Variants in USH2A observed in about 807,000 individuals in gnomAD.
USH2A encodes the protein Usher syndrome 2A (autosomal recessive, mild).
USH2A carries 443 observed loss-of-function variants against 538.9 expected under a neutral mutation model. That is an observed-to-expected ratio of 0.82 (90% CI 0.76 to 0.89). The LOEUF is 0.89. Among genes scored for constraint, USH2A ranks in the 40% least tolerant of loss-of-function variants. USH2A has a pLI of 0.00. For synonymous variants in USH2A, 2,413 were observed against 2,273.5 expected, an observed-to-expected ratio of 1.06 and a Z score of -1.75; for missense variants, 6,633 against 6,324.8, an observed-to-expected ratio of 1.05 and a Z score of -1.65.
intron 37 of USH2A, among the ~76,000 whole-genome samples, chr1:215,950,869 T>C (rs1666894986): frequency 6.6e-6 from 1 of 152,154 alleles, no homozygotes; most frequent in South Asian, 2.1e-4. Context: ...TCTAAGCCTT[T>C]AGCTACTAAA....
At chr1:216,416,627 A>G (rs1393363621) in intron 3 of USH2A, among the ~76,000 whole-genome samples, 1 of 152,132 alleles carries the variant, frequency 6.6e-6, no homozygotes, top group Admixed American at 6.6e-5. Context: ...AATGACTCAT[A>G]TTTGACATGT....
intron 64 of USH2A, among the ~76,000 whole-genome samples, chr1:215,669,204 G>C (rs1216149461): frequency 6.6e-6 from 1 of 152,120 alleles, no homozygotes; most frequent in Non-Finnish European, 1.5e-5. Flanking sequence ...ATTTTATGCT[G>C]ATTTCATCCA....
At chr1:216,294,574 C>T (rs1295963012) in intron 9 of USH2A, among the ~76,000 whole-genome samples, 1 of 150,128 alleles carries the variant, frequency 6.7e-6, no homozygotes, top group Non-Finnish European at 1.5e-5. Context: ...GGATATATAT[C>T]TAAGTATTAC....
intron 58 of USH2A, among the ~76,000 whole-genome samples, chr1:215,753,879 T>C (rs1660704488): frequency 1.3e-5 from 2 of 152,130 alleles, no homozygotes; most frequent in Non-Finnish European, 2.9e-5. Flanking sequence ...CCCAGCTCTG[T>C]TTCTTGGCCC....
At chr1:215,827,823 CA>C in intron 47 of USH2A, among the ~76,000 whole-genome samples, 3 of 152,158 alleles carry the variant, frequency 2.0e-5, no homozygotes, top group Admixed American at 2.0e-4. Flanking sequence ...TCCTTCAGCC[CA>C]ACACTCTCCC....
intron 61 of USH2A, among the ~76,000 whole-genome samples, chr1:215,684,979 T>C (rs950287291): frequency 4.6e-5 from 7 of 152,134 alleles, no homozygotes; most frequent in African/African-American, 1.7e-4. Context: ...CGAGATCCTT[T>C]ATCATTAATT....
chr1:215,764,526 T>C (rs1661072294), intron 56 of USH2A, among the ~76,000 whole-genome samples: 1 of 152,288 alleles, frequency 6.6e-6, no homozygotes, highest in Non-Finnish European at 1.5e-5. Context: ...GAGAACTGTG[T>C]CCAACTTGTC....
At chr1:216,153,841 G>T (rs905845036) in intron 21 of USH2A, among the ~76,000 whole-genome samples, 1 of 152,184 alleles carries the variant, frequency 6.6e-6, no homozygotes, top group Non-Finnish European at 1.5e-5. Flanking sequence ...AGCATCAGAT[G>T]TAGGCTGCTG....
chr1:215,743,363 A>T (rs1335297209), intron 58 of USH2A, 28 bp from the exon 59 acceptor site: 2 of 1,226,210 alleles, frequency 1.6e-6, no homozygotes, highest in East Asian at 2.9e-5. Context: ...GAGAGAGAAC[A>T]TTAAAAACAT....
rs919309234 is a variant in USH2A, at chr1:216,104,881, G to A, written c.4628-7668C>T. 5.4e-4 allele frequency among the ~76,000 whole-genome samples: 82 copies of A among 152,240 alleles called. 2 individuals are homozygous for A. The highest frequency in any genetic ancestry group is 1.8e-3 in the African/African-American group (74 of 41,552). ...AAAGAAACTACCATCAGAGTGAACA[G>A]GCAACCTACAGAATGGGAGAAATTT... On this transcript the variant is annotated intron_variant, in intron 21 of 71. Transcript: ENST00000307340.
chr1:215,999,005 A>T lies in USH2A; in HGVS notation c.6539T>A (p.Met2180Lys). 1 of 1,613,034 alleles carries T rather than the reference A, an allele frequency of 6.2e-7. No homozygotes were observed. Among genetic ancestry groups the T allele is most frequent in the African/African-American group, 1.3e-5 (1 of 74,998 alleles). ...TGTAAAATCATGTGTATGGTTTGAC[A>T]TATATAATACATAGCGTTCCAGAAT... ...SGILERYVLY[M>K]SNHTHDFTIW... Residue 2180 changes from methionine (M) to lysine (K), a missense_variant, in exon 34 of 72, where the codon ATG becomes AAG. Physicochemically the swap from Met to Lys is moderately conservative, Grantham distance 95. Coordinates refer to ENST00000307340, the MANE Select transcript of USH2A (RefSeq NM_206933.4).
intron 21 of USH2A, among the ~76,000 whole-genome samples, chr1:216,103,963 A>G (rs934413522): frequency 6.6e-6 from 1 of 152,244 alleles, no homozygotes; most frequent in Non-Finnish European, 1.5e-5. Flanking sequence ...AGGCAAAATT[A>G]AACAATCATT....
chr1:215,858,406 C>T lies in USH2A; in HGVS notation c.8845+8601G>A, dbSNP rs997682549. Among the ~76,000 whole-genome samples the T allele has an allele frequency of 1.1e-4, 17 of 151,138 alleles. No homozygotes were observed. In the East Asian group the frequency reaches 1.4e-3, roughly 12 times the overall value. Reference sequence around the variant, plus strand: ...TGGATTACGGGGGTGGTTTCCCCCACGCTGTTCTCATGATAGTGAGTTCTC... The same window carrying T: ...TGGATTACGGGGGTGGTTTCCCCCATGCTGTTCTCATGATAGTGAGTTCTC... On this transcript the variant is annotated intron_variant, in intron 44 of 71. Transcript: ENST00000307340.
At chr1:216,074,894 C>T (rs2031697023) in intron 27 of USH2A, among the ~76,000 whole-genome samples, 1 of 152,228 alleles carries the variant, frequency 6.6e-6, no homozygotes. Flanking sequence ...ATAGTTTTAG[C>T]TTTGCAGGAT....
intron 9 of USH2A, among the ~76,000 whole-genome samples, chr1:216,310,338 C>T (rs550336769): frequency 2.0e-5 from 3 of 151,986 alleles, no homozygotes; most frequent in East Asian, 3.9e-4. Flanking sequence ...GGGGGTTGCC[C>T]TATAAAGCTT....
intron 61 of USH2A, among the ~76,000 whole-genome samples, chr1:215,684,383 T>A (rs1658340754): frequency 6.6e-6 from 1 of 152,180 alleles, no homozygotes; most frequent in African/African-American, 2.4e-5. Context: ...TTGAAAATGA[T>A]CAAAAATTAC....
In USH2A at chr1:216,152,149, C is replaced by T. The variant is rs372453100; in HGVS notation, c.4627+23103G>A. On this transcript the variant is annotated intron_variant, in intron 21 of 71. Coordinates refer to ENST00000307340, the MANE Select transcript of USH2A (RefSeq NM_206933.4). ...CTCCATACCACCCCCCAAAAATTTTCGCCGCCCCAACACTTCAATACTATT... is the reference window on the plus strand; with the variant it reads ...CTCCATACCACCCCCCAAAAATTTTTGCCGCCCCAACACTTCAATACTATT... Among the ~76,000 whole-genome samples the T allele has an allele frequency of 1.3e-4, 20 of 152,210 alleles. 1 individual carries two copies. The highest frequency in any genetic ancestry group is 4.2e-4 in the South Asian group (2 of 4,810).
intron 11 of USH2A, among the ~76,000 whole-genome samples, chr1:216,266,938 T>TTA (rs936635410): frequency 3.0e-4 from 45 of 151,288 alleles, no homozygotes; most frequent in South Asian, 1.0e-3. Flanking sequence ...AAATAATATT[T>TTA]TATATATATA....
At chr1:216,347,073 T>G (rs906553690) in intron 4 of USH2A, among the ~76,000 whole-genome samples, 1 of 152,110 alleles carries the variant, frequency 6.6e-6, no homozygotes, top group Non-Finnish European at 1.5e-5. Flanking sequence ...GGTCACATAT[T>G]AAGTTTACTA....
Sources: allele counts gnomAD v4.1 joint callset (sites outside exome capture counted in the v4.1 genomes callset), GRCh38; gene constraint gnomAD v4.1.1; transcripts MANE v1.5; gene names NCBI Gene and HGNC (gene_info 2026-07-23, HGNC 2026-07-21).